Variants in PTPDC1 observed in about 807,000 individuals in gnomAD.
PTPDC1 encodes the protein protein tyrosine phosphatase domain-containing protein 1.
PTPDC1 carries 53 observed loss-of-function variants against 75.3 expected under a neutral mutation model. That is an observed-to-expected ratio of 0.70 (90% confidence interval 0.56 to 0.88). PTPDC1 has a LOEUF of 0.88. PTPDC1 is among the 40% of genes least tolerant of loss of function. PTPDC1 has a pLI of 0.00. For synonymous variants in PTPDC1, 349 were observed against 366.2 expected (o/e 0.95, Z 0.54); for missense variants, 925 against 998.6 (o/e 0.93, Z 0.99).
chr9:94,075,994 T>G (rs751214737), intron 2 of PTPDC1, among the ~76,000 whole-genome samples: 1 of 130,168 alleles, frequency 7.7e-6, no homozygotes, highest in Non-Finnish European at 1.8e-5. Flanking sequence ...GTGTGTGTGT[T>G]TTGTTTGTTT....
rs764976225 is a variant in PTPDC1, at chr9:94,085,396, A to T, written c.390A>T (p.Gln130His). Residue 130 changes from glutamine (Q) to histidine (H), a missense_variant, in exon 2 of 9, where the codon CAA (glutamine) becomes CAT (histidine). Transcript: ENST00000620992. ...ENPARWSEQE[Q>H]AIKGVYSSWV... ...CAGCCCGCTGGAGTGAGCAGGAGCA[A>T]GCCATTAAGGGGGTTTACTCATCCT... 1 of 1,614,184 alleles carries T rather than the reference A, an allele frequency of 6.2e-7. No homozygotes were observed. The highest frequency in any genetic ancestry group is 1.1e-5 in the South Asian group (1 of 91,080).
At chr9:94,090,987 A>C (rs1282453527) in intron 4 of PTPDC1, among the ~76,000 whole-genome samples, 1 of 152,150 alleles carries the variant, frequency 6.6e-6, no homozygotes, top group Non-Finnish European at 1.5e-5. Flanking sequence ...TGGGCTTGAG[A>C]CAATGGGGTT....
chr9:94,048,111 CT>C (rs1825672058), intron 1 of PTPDC1, among the ~76,000 whole-genome samples: 1 of 152,140 alleles, frequency 6.6e-6, no homozygotes, highest in Non-Finnish European at 1.5e-5. Flanking sequence ...CTTTATTAGT[CT>C]TGCTAGCGGT....
chr9:94,105,171 G>A (rs759651185), intron 8 of PTPDC1, among the ~76,000 whole-genome samples: 4 of 152,052 alleles, frequency 2.6e-5, no homozygotes, highest in Admixed American at 2.0e-4. Context: ...CACTCTTTCC[G>A]GAGTGATGTT....
At position 94,043,246 on chromosome 9, in the gene PTPDC1, G is replaced by GT. The variant is rs1397310169; in HGVS notation, c.-7+12126dup. Among the ~76,000 whole-genome samples, 23 of 152,122 alleles carry GT rather than the reference G, an allele frequency of 1.5e-4. No individual in the cohort carries two copies. In the East Asian group the frequency reaches 1.9e-3, roughly 13 times the overall value. On this transcript the variant is annotated intron_variant, in intron 1 of 9. Coordinates refer to the PTPDC1 transcript ENST00000375360. Reference sequence around the variant, plus strand: ...CATCCTTGCCACTTTGATATTGCTAGTTTTTTTAAAAAATCCATTCTAATA... The same window carrying GT: ...CATCCTTGCCACTTTGATATTGCTAGTTTTTTTTAAAAAATCCATTCTAATA...
chr9:94,038,956 A>T (rs776271988), intron 1 of PTPDC1, among the ~76,000 whole-genome samples: 44 of 152,200 alleles, frequency 2.9e-4, no homozygotes, highest in Non-Finnish European at 4.3e-4. Flanking sequence ...AATTTTATAG[A>T]TGATCTATAA....
intron 1 of PTPDC1, among the ~76,000 whole-genome samples, chr9:94,054,663 A>G (rs1390283998): frequency 6.6e-6 from 1 of 152,194 alleles, no homozygotes; most frequent in African/African-American, 2.4e-5. Flanking sequence ...GGTAAATAAA[A>G]TTTATGTGAG....
rs147748806 is a variant in PTPDC1 at position 94,104,332 on chromosome 9, C to G, written c.2257C>G (p.Pro753Ala). ...LHCIVNLQTI[P>A]VDVEEAFLAH... ...CTGCATAGTGAACCTGCAGACAATT[C>G]CCGTGGATGTGGAGGAAGCTTTCCT... The change falls in exon 8 of 9, where the codon CCC (proline) becomes GCC (alanine). Residue 753 changes from proline (P) to alanine (A), a missense_variant. Physicochemically the swap from Pro to Ala is conservative, Grantham distance 27 (BLOSUM62 -1). Coordinates refer to ENST00000620992, the MANE Select transcript of PTPDC1 (RefSeq NM_001253829.2). The G allele has an allele frequency of 6.2e-7, 1 of 1,613,766 alleles. No individual in the cohort carries two copies. The highest frequency in any genetic ancestry group is 1.7e-5 in the Admixed American group (1 of 59,992).
chr9:94,104,144 G>A (rs1295987499), intron 7 of PTPDC1, 131 bp from the exon 8 acceptor site: 1 of 551,274 alleles, frequency 1.8e-6, no homozygotes, highest in Non-Finnish European at 3.3e-6. Context: ...TAGATATTTT[G>A]TTAGATATTT....
At chr9:94,106,408 C>T (rs1389185288) in intron 8 of PTPDC1, among the ~76,000 whole-genome samples, 1 of 152,196 alleles carries the variant, frequency 6.6e-6, no homozygotes, top group Non-Finnish European at 1.5e-5. Flanking sequence ...GCTTGCAGCC[C>T]CCTTGTGAAA....
chr9:94,102,991 TACACAC>T (rs10624415), intron 7 of PTPDC1, among the ~76,000 whole-genome samples: 11 of 148,874 alleles, frequency 7.4e-5, no homozygotes, highest in East Asian at 2.0e-4. Context: ...CTGCTGTTAC[TACACAC>T]ACACACACAC....
At chr9:94,031,279 G>A (rs886504659) in intron 1 of PTPDC1, among the ~76,000 whole-genome samples, 1 of 152,096 alleles carries the variant, frequency 6.6e-6, no homozygotes, top group African/African-American at 2.4e-5. Flanking sequence ...TGGATTTGAG[G>A]GTCTCACATT....
In PTPDC1 at chr9:94,107,850, G is replaced by A. The variant is rs1011748226; in HGVS notation, c.2333G>A (p.Gly778Glu). 6.2e-6 allele frequency: 10 copies of A among 1,600,588 alleles called. No individual in the cohort carries two copies. The highest frequency in any genetic ancestry group is 1.7e-4 in the Middle Eastern group (1 of 6,040). ...FTKVNFDSEN[G>E]PTVYNTLKKI... is the part of the protein sequence containing the mutation. ...CAGGTTAATTTTGATTCTGAAAATG[G>A]ACCAACAGTTTACAACACCCTGAAG... Residue 778 changes from glycine (G) to glutamate (E), a missense_variant, in exon 9 of 9, where the codon GGA becomes GAA. Transcript: ENST00000620992.
At chr9:94,067,722 C>T (rs920159356) in intron 2 of PTPDC1, among the ~76,000 whole-genome samples, 6 of 152,086 alleles carry the variant, frequency 3.9e-5, no homozygotes, top group Non-Finnish European at 7.4e-5. Context: ...ATGTTTCAGC[C>T]TCCCGAGTAG....
At chr9:94,060,267 T>C (rs1409719130) in intron 1 of PTPDC1, among the ~76,000 whole-genome samples, 2 of 152,208 alleles carry the variant, frequency 1.3e-5, no homozygotes, top group East Asian at 3.8e-4. Context: ...TATAAAAAGC[T>C]TTCTGGCTAC....
chr9:94,036,463 A>G (rs7855941), intron 1 of PTPDC1, among the ~76,000 whole-genome samples: 3,779 of 152,128 alleles, frequency 0.025, 149 homozygotes, highest in African/African-American at 0.087. Context: ...TCCTTTCCCC[A>G]TCATGTACTC....
intron 8 of PTPDC1, among the ~76,000 whole-genome samples, chr9:94,105,786 G>A (rs1376478530): frequency 1.3e-5 from 2 of 151,616 alleles, no homozygotes; most frequent in African/African-American, 4.9e-5. Context: ...GGATAACATG[G>A]TGAAACCCCA....
At chr9:94,102,834 T>C (rs940302806) in intron 7 of PTPDC1, among the ~76,000 whole-genome samples, 4 of 152,214 alleles carry the variant, frequency 2.6e-5, no homozygotes, top group African/African-American at 9.6e-5. Context: ...CACCTTGGCC[T>C]CCCAAAGTGC....
chr9:94,065,099 C>T (rs1826261351), intron 2 of PTPDC1, among the ~76,000 whole-genome samples: 1 of 152,230 alleles, frequency 6.6e-6, no homozygotes. Flanking sequence ...TCATCAAAGG[C>T]CTACTTATGA....
Sources: gnomAD v4.1 joint callset for allele counts (sites outside exome capture counted in the v4.1 genomes callset) on GRCh38, gnomAD v4.1.1 for gene constraint, MANE v1.5 for transcripts, NCBI Gene and HGNC (gene_info 2026-07-23, HGNC 2026-07-21) for gene names.